The following CDK19 variants were observed in gnomAD, a reference collection of about 807,000 sequenced individuals.
The protein encoded by CDK19 is cyclin dependent kinase 19.
Under a neutral mutation model 68.3 loss-of-function variants are expected in CDK19, and 20 were observed. That is an observed-to-expected ratio of 0.29 (90% CI 0.21 to 0.43). The LOEUF (loss-of-function observed/expected upper bound fraction) is 0.43. CDK19 is among the 20% of genes least tolerant of loss of function. The probability of loss-of-function intolerance (pLI) is 1.00; values close to 1 mark genes in which losing one functional copy is unlikely to be tolerated. For synonymous variants in CDK19, 221 were observed against 222.8 expected, an observed-to-expected ratio of 0.99 and a Z score of 0.07; for missense variants, 339 against 623.5, an observed-to-expected ratio of 0.54 and a Z score of 4.86.
At position 110,623,283 on chromosome 6, in the gene CDK19, C is replaced by T. The variant is rs1778829273; in HGVS notation, c.933+7G>A. 2 of 1,610,874 alleles carry T rather than the reference C, an allele frequency of 1.2e-6. No homozygotes were observed. The highest frequency in any genetic ancestry group is 1.7e-5 in the Admixed American group (1 of 59,932). ...ATCAGATTTTAGTCTGGGAGAGAAGCACCTACCAAGAGGAACACTTTGCTG... is the reference window on the plus strand; with the variant it reads ...ATCAGATTTTAGTCTGGGAGAGAAGTACCTACCAAGAGGAACACTTTGCTG... On this transcript the variant is annotated splice_region_variant and intron_variant, in intron 9 of 12. Coordinates refer to ENST00000368911, the MANE Select transcript of CDK19 (RefSeq NM_015076.5).
chr6:110,700,728 CACT>C (rs1773920818), intron 2 of CDK19: 1 of 186,982 alleles, frequency 5.3e-6, no homozygotes, highest in Non-Finnish European at 1.2e-5. Flanking sequence ...CTCTGAAAAT[CACT>C]ACAAGAAAAA....
chr6:110,714,412 T>C (rs74905507), intron 2 of CDK19, among the ~76,000 whole-genome samples: 4,186 of 152,326 alleles, frequency 0.027, 82 homozygotes, highest in South Asian at 0.084. Flanking sequence ...TGTTTTCAAT[T>C]CTCTTGGGTA....
At chr6:110,733,943 G>T (rs1026770435) in intron 2 of CDK19, among the ~76,000 whole-genome samples, 1 of 151,912 alleles carries the variant, frequency 6.6e-6, no homozygotes, top group African/African-American at 2.4e-5. Flanking sequence ...CTCTCCTTTT[G>T]ATCATTTTTA....
At chr6:110,739,031 T>C (rs1263167660) in intron 2 of CDK19, among the ~76,000 whole-genome samples, 1 of 152,154 alleles carries the variant, frequency 6.6e-6, no homozygotes, top group Non-Finnish European at 1.5e-5. Flanking sequence ...CAGAGGTGAA[T>C]GAGGAAGTGG....
At chr6:110,809,612 T>A (rs1224965664) in intron 1 of CDK19, among the ~76,000 whole-genome samples, 1 of 152,252 alleles carries the variant, frequency 6.6e-6, no homozygotes. Flanking sequence ...TCTAACCACC[T>A]ATTTCATATA....
intron 2 of CDK19, among the ~76,000 whole-genome samples, chr6:110,684,246 A>G: frequency 6.6e-6 from 1 of 152,108 alleles, no homozygotes; most frequent in East Asian, 1.9e-4. Context: ...CTACCTTGAC[A>G]GTTAAACAAA....
chr6:110,726,045 G>C (rs754993618), intron 2 of CDK19, among the ~76,000 whole-genome samples: 2 of 151,516 alleles, frequency 1.3e-5, no homozygotes, highest in Admixed American at 6.6e-5. Flanking sequence ...GTTGCTATGG[G>C]AACAACATTT....
At chr6:110,651,512 T>A (rs1371635181) in intron 4 of CDK19, among the ~76,000 whole-genome samples, 1 of 152,186 alleles carries the variant, frequency 6.6e-6, no homozygotes, top group Admixed American at 6.5e-5. Flanking sequence ...AAGGGCAGAT[T>A]GCTTGCGCTC....
chr6:110,765,748 A>G (rs2114971738), intron 1 of CDK19, among the ~76,000 whole-genome samples: 1 of 152,074 alleles, frequency 6.6e-6, no homozygotes, highest in African/African-American at 2.4e-5. Flanking sequence ...CATGGGGAGA[A>G]TTGAACAATT....
intron 1 of CDK19, among the ~76,000 whole-genome samples, chr6:110,779,222 G>C (rs1780624960): frequency 6.6e-6 from 1 of 151,976 alleles, no homozygotes; most frequent in Admixed American, 6.6e-5. Context: ...ACCAATTATA[G>C]ACTTCTAATA....
chr6:110,792,610 G>A (rs1781678602), intron 1 of CDK19, among the ~76,000 whole-genome samples: 1 of 152,164 alleles, frequency 6.6e-6, no homozygotes, highest in South Asian at 2.1e-4. Flanking sequence ...GTTTTGCCAT[G>A]TTGCCAGGCT....
intron 2 of CDK19, among the ~76,000 whole-genome samples, chr6:110,681,720 C>T (rs184271249): frequency 3.9e-5 from 6 of 152,264 alleles, no homozygotes; most frequent in East Asian, 1.9e-4. Flanking sequence ...ACTACAAATA[C>T]GTGTAATCAT....
In CDK19 at chr6:110,665,216, T is replaced by G. The variant is rs190429847; in HGVS notation, c.456+2218A>C. 2.2e-3 allele frequency among the ~76,000 whole-genome samples: 335 copies of G among 152,180 alleles called. 1 individual carries two copies. Among genetic ancestry groups the G allele is most frequent in the African/African-American group, 7.8e-3 (323 of 41,514 alleles). On this transcript the variant is annotated intron_variant, in intron 4 of 12. Coordinates refer to ENST00000368911, the MANE Select transcript of CDK19 (RefSeq NM_015076.5). Reference sequence around the variant, plus strand: ...CAACAGACAAGTATAGAGGCTAGTATCACAATGCAAGAAAGAGGTAATAAA... The same window carrying G: ...CAACAGACAAGTATAGAGGCTAGTAGCACAATGCAAGAAAGAGGTAATAAA...
intron 1 of CDK19, among the ~76,000 whole-genome samples, chr6:110,811,896 T>A (rs902392122): frequency 4.3e-4 from 63 of 147,906 alleles, no homozygotes; most frequent in Non-Finnish European, 6.0e-4. Flanking sequence ...TTTTTTTTTT[T>A]AAAGTAAAAG....
chr6:110,780,733 GA>G (rs1315802513), intron 1 of CDK19, among the ~76,000 whole-genome samples: 1 of 152,062 alleles, frequency 6.6e-6, no homozygotes, highest in Non-Finnish European at 1.5e-5. Flanking sequence ...AATACTGAAT[GA>G]TGAGCTGCTT....
chr6:110,718,820 T>C (rs1775605893), intron 2 of CDK19, among the ~76,000 whole-genome samples: 1 of 152,058 alleles, frequency 6.6e-6, no homozygotes, highest in Non-Finnish European at 1.5e-5. Context: ...AGCAAAATCA[T>C]ATACGTCAAT....
At chr6:110,762,525 G>A (rs145648052) in intron 1 of CDK19, among the ~76,000 whole-genome samples, 10 of 152,232 alleles carry the variant, frequency 6.6e-5, no homozygotes, top group South Asian at 2.1e-4. Context: ...GTCACACAGC[G>A]AATAGGTTAC....
At chr6:110,670,942 A>T in intron 2 of CDK19, 1 of 372,356 alleles carries the variant, frequency 2.7e-6, no homozygotes, top group South Asian at 2.1e-5. Context: ...GTTCCTTGGG[A>T]GGCAGGACTC....
intron 2 of CDK19, among the ~76,000 whole-genome samples, chr6:110,681,413 T>C (rs574309581): frequency 6.6e-6 from 1 of 152,322 alleles, no homozygotes; most frequent in South Asian, 2.1e-4. Context: ...TGTGAGATTA[T>C]GCATAATTTA....
Sources: allele counts gnomAD v4.1 joint callset (sites outside exome capture counted in the v4.1 genomes callset), GRCh38; gene constraint gnomAD v4.1.1; transcripts MANE v1.5; gene names NCBI Gene and HGNC (gene_info 2026-07-23, HGNC 2026-07-21).